The following NBPF26 variants were observed in gnomAD, a reference collection of about 807,000 sequenced individuals.
NBPF26 encodes the protein NBPF member 26.
Under a neutral mutation model 119.6 loss-of-function variants are expected in NBPF26, and 79 were observed. The observed-to-expected ratio is 0.66, with a 90% CI of 0.55 to 0.80. The LOEUF is 0.80. Ranked by LOEUF, NBPF26 falls within the 30% of genes least tolerant of loss-of-function variation. The pLI, the probability that NBPF26 is intolerant of heterozygous loss-of-function variation, is 0.00. For missense variants in NBPF26, 800 were observed against 1,198.2 expected, an observed-to-expected ratio of 0.67 and a Z score of 4.91; for synonymous variants, 299 against 457.7, an observed-to-expected ratio of 0.65 and a Z score of 4.43.
intron 4 of NBPF26, 35 bp downstream of exon 4, chr1:120,793,531 C>T: frequency 8.9e-7 from 1 of 1,117,676 alleles, no homozygotes; most frequent in East Asian, 2.5e-5. Context: ...GATTAGGGGA[C>T]AAACCCCTAG....
Position 120,756,365 on chromosome 1 carries a change from A to G in NBPF26, c.74-7263A>G, listed in dbSNP as rs1208234194. 3.4e-5 allele frequency among the ~76,000 whole-genome samples: 4 copies of G among 117,986 alleles called. 1 individual carries two copies. The highest frequency in any genetic ancestry group is 2.4e-4 in the Admixed American group (3 of 12,292). 77.4% of individuals were successfully genotyped at this position (117,986 alleles called of 152,430 possible). A position where few individuals can be genotyped will look rare whatever the true frequency, so the allele number is the denominator to read the frequency against. ...AATATTGCTACTTGAAATTTGCATA[A>G]ACGTTGAAGAAAAAGTTAAAAGAGC... On this transcript the variant is annotated intron_variant, in intron 1 of 29. Transcript: ENST00000620612.
At chr1:120,840,359 C>G in exon 30 of NBPF26, 1 of 1,451,490 alleles carries the variant, frequency 6.9e-7, no homozygotes, top group Non-Finnish European at 9.2e-7. Flanking sequence ...GGCTCAACAG[C>G]ATGCTGATGG....
downstream of NBPF26, chr1:120,840,734 C>A: frequency 3.4e-6 from 4 of 1,182,712 alleles, no homozygotes; most frequent in Middle Eastern, 5.7e-4. Flanking sequence ...TATTCTCAAA[C>A]CATGCCAGTG....
Position 120,814,700 on chromosome 1 carries a change from T to C in NBPF26, c.1878-129T>C, listed in dbSNP as rs1442477764. 1.5e-5 allele frequency: 10 copies of C among 657,550 alleles called. 4 individuals are homozygous for C. The highest frequency in any genetic ancestry group is 5.4e-5 in the African/African-American group (2 of 37,150). The allele number at this position is 657,550 out of a possible 1,614,324, so 40.7% of individuals were successfully genotyped here. A position where few individuals can be genotyped will look rare whatever the true frequency, so the allele number is the denominator to read the frequency against. ...TCTTTCTCTTGGCCACAGACATTCC[T>C]TTAAACATGTGCTGACCTTCTGCTT... On this transcript the variant is annotated intron_variant, in intron 11 of 29. Coordinates refer to ENST00000620612, the Ensembl canonical transcript of NBPF26.
rs1304675257 is a variant in NBPF26 at position 120,812,917 on chromosome 1, CTAAAAATAA to C, written c.1774+826_1774+834del. Among the ~76,000 whole-genome samples the C allele has an allele frequency of 3.0e-3, 252 of 84,564 alleles. 5 individuals are homozygous for C. The highest frequency in any genetic ancestry group is 7.9e-3 in the East Asian group (13 of 1,644). 55.5% of individuals were successfully genotyped at this position (84,564 alleles called of 152,430 possible). A position where few individuals can be genotyped will look rare whatever the true frequency, so the allele number is the denominator to read the frequency against. On this transcript the variant is annotated intron_variant, in intron 10 of 29. Coordinates refer to ENST00000620612, the Ensembl canonical transcript of NBPF26. ...CAGCCTGGGCGACAGGGCAAGACTGCTAAAAATAATAATAATAATAATAATAATAATAAT... is the reference window on the plus strand; with the variant it reads ...CAGCCTGGGCGACAGGGCAAGACTGCTAATAATAATAATAATAATAATAAT...
Position 120,759,443 on chromosome 1 carries a change from TA to T in NBPF26, c.74-4182del, listed in dbSNP as rs1275963283. Reference sequence around the variant, plus strand: ...CTTGGAGTCTATTAAAGCATCAGTTTAAACATCAATTCTCTATGGTATGATT... The same window carrying T: ...CTTGGAGTCTATTAAAGCATCAGTTTAACATCAATTCTCTATGGTATGATT... On this transcript the variant is annotated intron_variant, in intron 1 of 29. Coordinates refer to ENST00000620612, the Ensembl canonical transcript of NBPF26. Among the ~76,000 whole-genome samples, 23 of 56,828 alleles carry T rather than the reference TA, an allele frequency of 4.0e-4. No homozygotes were observed. In the East Asian group the frequency reaches 8.1e-3, roughly 20 times the overall value. 37.3% of individuals were successfully genotyped at this position (56,828 alleles called of 152,430 possible).
At position 120,819,405 on chromosome 1, in the gene NBPF26, C is replaced by T. The variant is rs1314463593; in HGVS notation, c.2423+1231C>T. On this transcript the variant is annotated intron_variant, in intron 15 of 29. Transcript: ENST00000620612. Reference sequence around the variant, plus strand: ...TGTGAGATGGGTTTCCTGAGTACAGCACACTGATGGGTCTTGACTCTTTAT... The same window carrying T: ...TGTGAGATGGGTTTCCTGAGTACAGTACACTGATGGGTCTTGACTCTTTAT... 1.8e-5 allele frequency among the ~76,000 whole-genome samples: 2 copies of T among 109,846 alleles called. 1 individual carries two copies. Among genetic ancestry groups the T allele is most frequent in the Non-Finnish European group, 3.5e-5 (2 of 57,798 alleles). The allele number at this position is 109,846 out of a possible 152,430, so 72.1% of individuals were successfully genotyped here. A position where few individuals can be genotyped will look rare whatever the true frequency, so the allele number is the denominator to read the frequency against.
chr1:120,817,303 A>G (rs1171808719), intron 14 of NBPF26, among the ~76,000 whole-genome samples: 14 of 109,422 alleles, frequency 1.3e-4, no homozygotes, highest in East Asian at 4.6e-4. Flanking sequence ...AAATCAGGAC[A>G]GAAACTTTTC....
chr1:120,810,565 TC>T lies in NBPF26; in HGVS notation c.1564+8del. 6.8e-7 allele frequency: 1 copy of T among 1,462,994 alleles called. No homozygotes were observed. 90.6% of individuals were successfully genotyped at this position (1,462,994 alleles called of 1,614,324 possible). The stretch of plus-strand genomic sequence containing the variant: ...GCTCTAAACATTCTCCCAGGTAGCC[TC>T]TATTTTCCTTGTGTCTCATACCTCT... On this transcript the variant is annotated splice_region_variant and intron_variant, in intron 9 of 29. Coordinates refer to ENST00000620612, the Ensembl canonical transcript of NBPF26.
chr1:120,833,158 TA>T (rs1652393966), intron 23 of NBPF26, among the ~76,000 whole-genome samples, 175 bp downstream of exon 27: 1 of 118,226 alleles, frequency 8.5e-6, no homozygotes, highest in African/African-American at 4.7e-5. Flanking sequence ...TTCCTCCCCT[TA>T]TCATTTACTA....
In NBPF26 at chr1:120,822,989, T is replaced by A. The variant is rs1248788756; in HGVS notation, c.2588-320T>A. Among the ~76,000 whole-genome samples the A allele has an allele frequency of 4.0e-5, 5 of 126,090 alleles. 1 individual carries two copies. Among genetic ancestry groups the A allele is most frequent in the Non-Finnish European group, 8.1e-5 (5 of 61,644 alleles). The allele number at this position is 126,090 out of a possible 152,430, so 82.7% of individuals were successfully genotyped here. A position where few individuals can be genotyped will look rare whatever the true frequency, so the allele number is the denominator to read the frequency against. On this transcript the variant is annotated intron_variant, in intron 16 of 29. Transcript: ENST00000620612. ...TAATGAGAAAAGCCTAATATTGAAG[T>A]ATCTCTCCTATGAGGTGTTAGAACT...
At chr1:120,734,397 C>A (rs1650893358) in intron 1 of NBPF26, among the ~76,000 whole-genome samples, 3 of 84,046 alleles carry the variant, frequency 3.6e-5, no homozygotes, top group South Asian at 3.7e-4. Context: ...TGAAGGATTA[C>A]AATATTTTCT....
rs1479467842 is a variant in NBPF26, at chr1:120,805,555, G to C, written c.752-1G>C. 2.2e-6 allele frequency: 3 copies of C among 1,379,734 alleles called. 1 individual carries two copies. The highest frequency in any genetic ancestry group is 4.3e-5 in the African/African-American group (2 of 47,036). 85.5% of individuals were successfully genotyped at this position (1,379,734 alleles called of 1,614,324 possible). On this transcript the variant is annotated splice_acceptor_variant, in intron 4 of 29. Transcript: ENST00000620612. LOFTEE classifies it high-confidence loss of function. Reference sequence around the variant, plus strand: ...CATATGTTTGGGTTTCTTCTCCCCAGTCCCTGACTCCACCTCTTCTGCCAC... The same window carrying C: ...CATATGTTTGGGTTTCTTCTCCCCACTCCCTGACTCCACCTCTTCTGCCAC...
At chr1:120,825,143 G>A (rs1372661167) in intron 18 of NBPF26, among the ~76,000 whole-genome samples, 1 of 121,626 alleles carries the variant, frequency 8.2e-6, no homozygotes, top group African/African-American at 4.7e-5. Flanking sequence ...AGGCTGTATG[G>A]CAACTGCATG....
chr1:120,811,965 A>C lies in NBPF26; in HGVS notation c.1644A>C (p.Ile548=). The C allele has an allele frequency of 1.6e-6, 2 of 1,225,014 alleles. 1 individual carries two copies. The allele number at this position is 1,225,014 out of a possible 1,614,324, so 75.9% of individuals were successfully genotyped here. ...CTTTGTCCGGCGAGAAGGCAGCGAT[A>C]AACATTCTAGAAATCAATGAGAAAT... is the stretch of plus-strand genomic sequence containing the variant. Residue 548 remains isoleucine (I), a synonymous_variant, in exon 10 of 30, where the codon ATA becomes ATC. Coordinates refer to ENST00000620612, the Ensembl canonical transcript of NBPF26.
chr1:120,759,537 A>G lies in NBPF26; in HGVS notation c.74-4091A>G, dbSNP rs1362750798. On this transcript the variant is annotated intron_variant, in intron 1 of 29. Transcript: ENST00000620612. ...TTTTATTGTTAAATTTAAGTGTTTT[A>G]CATTGGAAAAAAGTAAATTGAATTT... Among the ~76,000 whole-genome samples the G allele has an allele frequency of 1.9e-4, 17 of 87,670 alleles. 3 individuals carry two copies. The highest frequency in any genetic ancestry group is 2.4e-4 in the Non-Finnish European group (12 of 49,836). 57.5% of individuals were successfully genotyped at this position (87,670 alleles called of 152,430 possible).
At chr1:120,777,419 G>T (rs1212614032) in intron 2 of NBPF26, among the ~76,000 whole-genome samples, 1 of 88,264 alleles carries the variant, frequency 1.1e-5, no homozygotes, top group African/African-American at 8.1e-5. Context: ...TAGTCTTTGT[G>T]TATTAGTTGT....
At chr1:120,812,125 G>C in intron 10 of NBPF26, 30 bp downstream of exon 10, 1 of 1,111,574 alleles carries the variant, frequency 9.0e-7, no homozygotes, top group Non-Finnish European at 1.3e-6. Flanking sequence ...CATCACGAAA[G>C]TGATGAACGA....
At chr1:120,776,042 T>TG (rs1651304161) in intron 2 of NBPF26, among the ~76,000 whole-genome samples, 1 of 109,956 alleles carries the variant, frequency 9.1e-6, no homozygotes, top group Admixed American at 8.8e-5. Flanking sequence ...AAACTTCAAG[T>TG]GTATTTATAG....
Sources: allele counts gnomAD v4.1 joint callset (sites outside exome capture counted in the v4.1 genomes callset), GRCh38; gene constraint gnomAD v4.1.1; transcripts MANE v1.5; gene names NCBI Gene and HGNC (gene_info 2026-07-23, HGNC 2026-07-21).